Variants in LPIN1 observed in about 807,000 individuals in gnomAD.
LPIN1 encodes phosphatidate phosphatase LPIN1.
A neutral mutation model predicts 107.5 loss-of-function variants in LPIN1; 71 were observed. The ratio of observed to expected loss-of-function variants is 0.66; its 90% CI spans 0.55 to 0.80. LPIN1 has a LOEUF of 0.80. Ranked by LOEUF, LPIN1 falls within the 30% of genes least tolerant of loss-of-function variation. The pLI is 0.00. For missense variants in LPIN1, 1,043 were observed against 1,160.6 expected, an observed-to-expected ratio of 0.90 and a Z score of 1.47; for synonymous variants, 445 against 452.6, an observed-to-expected ratio of 0.98 and a Z score of 0.21.
intron 1 of LPIN1, among the ~76,000 whole-genome samples, chr2:11,727,936 T>A (rs1198473655): frequency 6.6e-6 from 1 of 152,232 alleles, no homozygotes; most frequent in Non-Finnish European, 1.5e-5. Flanking sequence ...GAGGGCTGAC[T>A]TTTTGTATCC....
At chr2:11,780,794 G>C (rs139270559) in intron 7 of LPIN1, among the ~76,000 whole-genome samples, 1 of 152,174 alleles carries the variant, frequency 6.6e-6, no homozygotes, top group African/African-American at 2.4e-5. Flanking sequence ...GGCTAATGTA[G>C]GTATGTGAAG....
At chr2:11,732,685 T>C (rs1371593313) in intron 1 of LPIN1, among the ~76,000 whole-genome samples, 2 of 152,296 alleles carry the variant, frequency 1.3e-5, no homozygotes, top group Admixed American at 1.3e-4. Flanking sequence ...CATAATAAAA[T>C]CCTGCTGGTT....
At position 11,784,963 on chromosome 2, in the gene LPIN1, G is replaced by A; in HGVS notation, c.1436G>A (p.Gly479Asp). The A allele has an allele frequency of 6.2e-7, 1 of 1,613,942 alleles. No homozygotes were observed. Among genetic ancestry groups the A allele is most frequent in the Non-Finnish European group, 8.5e-7 (1 of 1,180,008 alleles). ...RSANQSPQSV[G>D]SSGVDSGVES... Reference sequence around the variant, plus strand: ...GCCAACCAGTCCCCGCAGTCGGTGGGCAGCTCGGGCGTGGACAGTGGCGTG... The same window carrying A: ...GCCAACCAGTCCCCGCAGTCGGTGGACAGCTCGGGCGTGGACAGTGGCGTG... Residue 479 changes from glycine (G) to aspartate (D), a missense_variant, in exon 10 of 21, where the codon GGC becomes GAC. Transcript: ENST00000674199.
chr2:11,762,192 A>G (rs2148610338), intron 1 of LPIN1, among the ~76,000 whole-genome samples: 1 of 151,916 alleles, frequency 6.6e-6, no homozygotes, highest in African/African-American at 2.4e-5. Context: ...AAAGGATGCA[A>G]CTCCGGAGTA....
intron 1 of LPIN1, among the ~76,000 whole-genome samples, chr2:11,713,387 C>T (rs1310793557): frequency 6.6e-6 from 1 of 152,248 alleles, no homozygotes; most frequent in Non-Finnish European, 1.5e-5. Flanking sequence ...TCTCCTGCCT[C>T]AGCCTCCTGA....
At chr2:11,766,986 A>G (rs1355730617) in intron 2 of LPIN1, among the ~76,000 whole-genome samples, 2 of 147,738 alleles carry the variant, frequency 1.4e-5, no homozygotes, top group Non-Finnish European at 3.1e-5. Context: ...TCCTTGTCCC[A>G]GAGGGGGTCC....
chr2:11,727,176 G>A (rs1231417887), intron 1 of LPIN1, among the ~76,000 whole-genome samples: 1 of 152,166 alleles, frequency 6.6e-6, no homozygotes, highest in Non-Finnish European at 1.5e-5. Flanking sequence ...TGCTGCAGTA[G>A]TGATTAATGG....
chr2:11,749,974 G>GT (rs1667541841), intron 1 of LPIN1, among the ~76,000 whole-genome samples: 1 of 152,252 alleles, frequency 6.6e-6, no homozygotes, highest in African/African-American at 2.4e-5. Context: ...AGGCCTGTTT[G>GT]TTCCTGAGTG....
upstream of LPIN1, chr2:11,746,538 C>G (rs1001176071): frequency 2.0e-6 from 1 of 493,370 alleles, no homozygotes; most frequent in Non-Finnish European, 2.6e-6. Flanking sequence ...CCGAGTCCCC[C>G]TCGCACCGCC....
chr2:11,788,353 GT>G, intron 11 of LPIN1, 33 bp from the exon 12 acceptor site: 2 of 1,557,966 alleles, frequency 1.3e-6, no homozygotes, highest in Non-Finnish European at 1.8e-6. Context: ...CTGAGCCTCG[GT>G]TTTTTGACAT....
intron 14 of LPIN1, 132 bp from the exon 15 acceptor site, chr2:11,802,775 G>A (rs1350747806): frequency 1.7e-5 from 17 of 1,020,316 alleles, no homozygotes; most frequent in Admixed American, 3.4e-5. Context: ...AACGTCTTAT[G>A]GTAAATGACC....
intron 1 of LPIN1, among the ~76,000 whole-genome samples, chr2:11,696,717 G>A (rs1662600953): frequency 2.0e-5 from 3 of 152,186 alleles, no homozygotes; most frequent in East Asian, 1.9e-4. Flanking sequence ...ATTTGGGCAC[G>A]CTTCCGGCTT....
At chr2:11,682,526 T>A (rs1385878439) in intron 1 of LPIN1, 1 of 152,424 alleles carries the variant, frequency 6.6e-6, no homozygotes, top group Non-Finnish European at 1.5e-5. Context: ...TCCATCTCCA[T>A]ACCATTTCAG....
At position 11,748,582 on chromosome 2, in the gene LPIN1, C is replaced by T. The variant is rs552920141; in HGVS notation, c.-10+1911C>T. Among the ~76,000 whole-genome samples the T allele has an allele frequency of 2.0e-5, 3 of 152,290 alleles. No homozygotes were observed. The East Asian group carries it at 5.8e-4, about 29-fold the overall frequency. On this transcript the variant is annotated intron_variant, in intron 1 of 20. Coordinates refer to ENST00000674199, the MANE Select transcript of LPIN1 (RefSeq NM_001349206.2). Reference sequence around the variant, plus strand: ...TATGATTTTAAAGTGCCACAGGGTGCCAGCGAGGAGGGGCTCTTTGTGGGG... The same window carrying T: ...TATGATTTTAAAGTGCCACAGGGTGTCAGCGAGGAGGGGCTCTTTGTGGGG...
chr2:11,794,160 T>C (rs1225514624), intron 13 of LPIN1, among the ~76,000 whole-genome samples: 3 of 152,218 alleles, frequency 2.0e-5, no homozygotes, highest in Non-Finnish European at 4.4e-5. Context: ...TACCGATAAA[T>C]GAGTTCAAAT....
chr2:11,767,861 A>G lies in LPIN1; in HGVS notation c.288+3A>G. The G allele has an allele frequency of 1.9e-6, 3 of 1,588,778 alleles. No homozygotes were observed. The highest frequency in any genetic ancestry group is 2.6e-6 in the Non-Finnish European group (3 of 1,156,928). ...TTCAAGAAACAGATAATGATCAGGTAAGGAAGCCTGGGTGGTCAGGGTTAC... is the reference window on the plus strand; with the variant it reads ...TTCAAGAAACAGATAATGATCAGGTGAGGAAGCCTGGGTGGTCAGGGTTAC... On this transcript the variant is annotated splice_donor_region_variant and intron_variant, in intron 3 of 20. Coordinates refer to ENST00000674199, the MANE Select transcript of LPIN1 (RefSeq NM_001349206.2).
intron 6 of LPIN1, among the ~76,000 whole-genome samples, chr2:11,776,788 C>A (rs1468011275): frequency 6.6e-6 from 1 of 152,184 alleles, no homozygotes; most frequent in East Asian, 1.9e-4. Flanking sequence ...AGATTTCTGC[C>A]TTCATTCCCT....
At position 11,826,147 on chromosome 2, in the gene LPIN1, T is replaced by C. The variant is rs566696028; in HGVS notation, c.*1356T>C. Reference sequence around the variant, plus strand: ...TTCGAAGCATTATTTTTTTAAAGAGTGTTTTACTCCAACGATTGAAACATT... The same window carrying C: ...TTCGAAGCATTATTTTTTTAAAGAGCGTTTTACTCCAACGATTGAAACATT... On this transcript the variant is annotated 3_prime_UTR_variant, in exon 21 of 21. Coordinates refer to ENST00000674199, the MANE Select transcript of LPIN1 (RefSeq NM_001349206.2). 2 of 152,544 alleles carry C rather than the reference T, an allele frequency of 1.3e-5. No homozygotes were observed. The highest frequency in any genetic ancestry group is 2.9e-5 in the Non-Finnish European group (2 of 68,014). The allele number at this position is 152,544 out of a possible 1,614,324, so 9.4% of individuals were successfully genotyped here.
At chr2:11,726,215 G>T (rs753185294) in intron 1 of LPIN1, among the ~76,000 whole-genome samples, 4 of 152,152 alleles carry the variant, frequency 2.6e-5, no homozygotes, top group Non-Finnish European at 5.9e-5. Flanking sequence ...ATAAAACAGA[G>T]GTTTCATAAT....
Sources: gnomAD v4.1 joint callset for allele counts (sites outside exome capture counted in the v4.1 genomes callset) on GRCh38, gnomAD v4.1.1 for gene constraint, MANE v1.5 for transcripts, NCBI Gene and HGNC (gene_info 2026-07-23, HGNC 2026-07-21) for gene names.